Variants in BMAL1 observed in about 807,000 individuals in gnomAD.
BMAL1 encodes the protein basic helix-loop-helix ARNT-like protein 1.
the BMAL1 span, chr11:13,356,375 T>TG: frequency 3.3e-3 from 1,664 of 499,852 alleles, 7 homozygotes; most frequent in African/African-American, 4.8e-3. Context: ...TCCAGAATGA[T>TG]GGGGGGGGAG....
chr11:13,381,079 C>G, the BMAL1 span: 1 of 1,396,038 alleles, frequency 7.2e-7, no homozygotes, highest in Non-Finnish European at 1.0e-6. Flanking sequence ...GATCTTCATC[C>G]CCTTTCTCAC....
At chr11:13,295,646 T>A in the BMAL1 span, among the ~76,000 whole-genome samples, 77 of 152,316 alleles carry the variant, frequency 5.1e-4, no homozygotes, top group African/African-American at 1.6e-3. Flanking sequence ...CTGGCTCTCT[T>A]GGTCACTCCA....
chr11:13,376,417 G>A, the BMAL1 span: 1 of 579,332 alleles, frequency 1.7e-6, no homozygotes, highest in Non-Finnish European at 3.1e-6. Flanking sequence ...GCTGAACTGT[G>A]TCCCACACAT....
At chr11:13,282,198 G>C in the BMAL1 span, among the ~76,000 whole-genome samples, 2 of 152,326 alleles carry the variant, frequency 1.3e-5, no homozygotes, top group South Asian at 4.1e-4. Context: ...TCTGGAGCCA[G>C]ATTTCACATC....
the BMAL1 span, among the ~76,000 whole-genome samples, chr11:13,296,670 C>G: frequency 6.6e-6 from 1 of 152,124 alleles, no homozygotes; most frequent in East Asian, 1.9e-4. Flanking sequence ...GTGGTAGTGA[C>G]CCTTTGGGAA....
chr11:13,309,732 C>G, the BMAL1 span, among the ~76,000 whole-genome samples: 1 of 152,128 alleles, frequency 6.6e-6, no homozygotes, highest in African/African-American at 2.4e-5. Flanking sequence ...CCTTCCTAAA[C>G]AAGAAGTTAT....
chr11:13,356,683 AAG>A, the BMAL1 span: 1 of 1,601,792 alleles, frequency 6.2e-7, no homozygotes, highest in Non-Finnish European at 8.5e-7. Context: ...TTATGATAAG[AAG>A]CTCTTCTGTA....
chr11:13,352,584 A>G, the BMAL1 span, among the ~76,000 whole-genome samples: 1 of 152,260 alleles, frequency 6.6e-6, no homozygotes, highest in Non-Finnish European at 1.5e-5. Context: ...AGTATGTTCC[A>G]GAATACAACG....
the BMAL1 span, chr11:13,376,578 T>C: frequency 2.6e-6 from 4 of 1,545,192 alleles, no homozygotes; most frequent in South Asian, 4.5e-5. Context: ...TTGGCCAAGT[T>C]GAATGGTGCA....
the BMAL1 span, among the ~76,000 whole-genome samples, chr11:13,282,816 C>G: frequency 6.6e-6 from 1 of 152,186 alleles, no homozygotes; most frequent in Non-Finnish European, 1.5e-5. Context: ...TCCAAAATGA[C>G]AGGCACAGGG....
chr11:13,340,954 C>G, the BMAL1 span, among the ~76,000 whole-genome samples: 1 of 152,236 alleles, frequency 6.6e-6, no homozygotes. Flanking sequence ...TCTCTAGCTC[C>G]TGGAAGTCAC....
At chr11:13,315,077 G>A in the BMAL1 span, among the ~76,000 whole-genome samples, 1 of 152,138 alleles carries the variant, frequency 6.6e-6, no homozygotes, top group South Asian at 2.1e-4. Context: ...TTTATTTGGG[G>A]CCTCACAGTA....
At chr11:13,365,345 T>G in the BMAL1 span, 39 of 491,492 alleles carry the variant, frequency 7.9e-5, no homozygotes, top group Admixed American at 1.0e-4. Context: ...TCAGAGACGT[T>G]TGTTTTCAGC....
At chr11:13,320,997 T>C in the BMAL1 span, among the ~76,000 whole-genome samples, 1 of 152,214 alleles carries the variant, frequency 6.6e-6, no homozygotes, top group Non-Finnish European at 1.5e-5. Flanking sequence ...TAAAGTTACA[T>C]TGTTTTTTAT....
chr11:13,337,628 T>G, the BMAL1 span, among the ~76,000 whole-genome samples: 3 of 152,216 alleles, frequency 2.0e-5, no homozygotes, highest in African/African-American at 7.2e-5. Context: ...AAATAGAATC[T>G]TTGCTAATAT....
the BMAL1 span, chr11:13,385,650 A>G: frequency 7.3e-6 from 11 of 1,507,154 alleles, no homozygotes; most frequent in Non-Finnish European, 9.2e-6. Flanking sequence ...TGCTCATAAT[A>G]CTGATTCAAA....
At chr11:13,295,532 G>A in the BMAL1 span, among the ~76,000 whole-genome samples, 8 of 152,224 alleles carry the variant, frequency 5.3e-5, no homozygotes, top group South Asian at 1.5e-3. Context: ...GGGAGGAGGT[G>A]GAGGAGACCC....
chr11:13,366,323 T>C, the BMAL1 span, among the ~76,000 whole-genome samples: 2 of 152,000 alleles, frequency 1.3e-5, no homozygotes, highest in Non-Finnish European at 2.9e-5. Flanking sequence ...GTGACTTGCT[T>C]GAGAACAGAG....
the BMAL1 span, chr11:13,353,211 T>A: frequency 7.0e-3 from 1,076 of 152,636 alleles, 5 homozygotes; most frequent in Non-Finnish European, 9.2e-3. Context: ...CATAACAGGA[T>A]GTGAGGACTA....
Sources: gnomAD v4.1 joint callset for allele counts (sites outside exome capture counted in the v4.1 genomes callset) on GRCh38, gnomAD v4.1.1 for gene constraint, MANE v1.5 for transcripts, NCBI Gene and HGNC (gene_info 2026-07-23, HGNC 2026-07-21) for gene names.